Variants in UPF2 observed in about 807,000 individuals in gnomAD.
UPF2 encodes UPF2 regulator of nonsense mediated mRNA decay.
Under a neutral mutation model 141.4 loss-of-function variants are expected in UPF2, and 17 were observed. The ratio of observed to expected loss-of-function variants is 0.12; its 90% CI spans 0.08 to 0.18. UPF2 has a LOEUF of 0.18. Ranked by LOEUF, UPF2 falls within the 10% of genes least tolerant of loss-of-function variation. UPF2 has a pLI of 1.00. For missense variants in UPF2, 1,152 were observed against 1,515.9 expected (o/e 0.76, Z 3.99); for synonymous variants, 540 against 498.0 (o/e 1.08, Z -1.12).
chr10:12,036,713 C>G (rs988615957), intron 1 of UPF2, among the ~76,000 whole-genome samples: 2 of 152,160 alleles, frequency 1.3e-5, no homozygotes, highest in Non-Finnish European at 2.9e-5. Context: ...CCTAAATTAT[C>G]TAAGAGTTGT....
At chr10:12,021,483 T>C (rs570544635) in intron 3 of UPF2, among the ~76,000 whole-genome samples, 2 of 152,104 alleles carry the variant, frequency 1.3e-5, no homozygotes, top group Admixed American at 6.6e-5. Flanking sequence ...GACTGCACCA[T>C]GACACTCCAG....
At position 11,936,458 on chromosome 10, in the gene UPF2, C is replaced by T; in HGVS notation, c.3546+87G>A. 1 of 1,383,496 alleles carries T rather than the reference C, an allele frequency of 7.2e-7. No homozygotes were observed. Among genetic ancestry groups the T allele is most frequent in the South Asian group, 1.6e-5 (1 of 61,804 alleles). 85.7% of individuals were successfully genotyped at this position (1,383,496 alleles called of 1,614,324 possible). ...ACTGAATGGTTTAAAACTGTCCAAC[C>T]CTTATCCCCTTGTAGGTCAAAGATA... On this transcript the variant is annotated intron_variant, in intron 19 of 21. Coordinates refer to ENST00000357604, the MANE Select transcript of UPF2 (RefSeq NM_015542.4). This position sits in a 1 kb window ranked among gnomAD's most constrained non-coding sequence, Gnocchi z 6.6.
At chr10:11,958,833 C>T (rs1833195990) in intron 12 of UPF2, among the ~76,000 whole-genome samples, 1 of 152,106 alleles carries the variant, frequency 6.6e-6, no homozygotes, top group Middle Eastern at 3.4e-3. Flanking sequence ...ATAACGTCTA[C>T]TAAAGGTTAG....
intron 4 of UPF2, among the ~76,000 whole-genome samples, chr10:12,005,868 G>A (rs1317438391): frequency 6.6e-6 from 1 of 151,316 alleles, no homozygotes; most frequent in Non-Finnish European, 1.5e-5. Context: ...ACCACGCCCA[G>A]CGTTTATTTA....
At chr10:12,004,491 TA>T in intron 5 of UPF2, 38 bp downstream of exon 5, 2 of 1,504,054 alleles carry the variant, frequency 1.3e-6, no homozygotes, top group Non-Finnish European at 1.8e-6. Context: ...AGCTAATTCT[TA>T]TAGCACTTAA....
intron 4 of UPF2, among the ~76,000 whole-genome samples, chr10:12,005,540 C>T (rs1347788356): frequency 1.3e-5 from 2 of 152,102 alleles, no homozygotes; most frequent in Non-Finnish European, 2.9e-5. Context: ...GGCTTAATTT[C>T]CCCCTTGCTA....
Position 11,998,950 on chromosome 10 carries a change from G to A in UPF2, c.1758+956C>T, listed in dbSNP as rs2131262714. ...TGAGGCAGGAGAATCACTTGAATCT[G>A]GGAGACAAAGGTTGCAGTGAGCCAA... is the stretch of plus-strand genomic sequence containing the variant. On this transcript the variant is annotated intron_variant, in intron 7 of 21. Coordinates refer to ENST00000357604, the MANE Select transcript of UPF2 (RefSeq NM_015542.4). The surrounding 1 kb of genome is among the most constrained non-coding windows in gnomAD (Gnocchi z 4.5). Among the ~76,000 whole-genome samples, 1 of 151,858 alleles carries A rather than the reference G, an allele frequency of 6.6e-6. No individual in the cohort carries two copies. Among genetic ancestry groups the A allele is most frequent in the African/African-American group, 2.4e-5 (1 of 41,402 alleles).
chr10:11,994,607 A>G (rs941545817), intron 8 of UPF2, among the ~76,000 whole-genome samples: 1 of 152,186 alleles, frequency 6.6e-6, no homozygotes, highest in South Asian at 2.1e-4. Context: ...GCCAAGATTA[A>G]TTCATCAAAT....
At chr10:11,934,348 T>C (rs17151062) in intron 19 of UPF2, among the ~76,000 whole-genome samples, 10,957 of 151,996 alleles carry the variant, frequency 0.072, 592 homozygotes, top group East Asian at 0.25. Context: ...TCCTCACAGA[T>C]AGAGAATGGA....
intron 13 of UPF2, among the ~76,000 whole-genome samples, chr10:11,955,868 C>T (rs529965182): frequency 1.4e-4 from 22 of 152,202 alleles, no homozygotes; most frequent in South Asian, 2.1e-4. Context: ...TTAGGCCGGG[C>T]GCAGTAGCTC....
At chr10:11,991,630 A>G (rs1588556980) in intron 8 of UPF2, among the ~76,000 whole-genome samples, 4 of 149,486 alleles carry the variant, frequency 2.7e-5, no homozygotes, top group African/African-American at 7.4e-5. Flanking sequence ...TTAAGAGAGG[A>G]AAAAAAAAAG....
chr10:11,930,883 T>C (rs1036205145), intron 20 of UPF2, among the ~76,000 whole-genome samples: 2 of 152,312 alleles, frequency 1.3e-5, no homozygotes, highest in East Asian at 1.9e-4. Flanking sequence ...CCTGCACAGA[T>C]GGCGGTTTAT....
At chr10:12,034,972 G>T in intron 2 of UPF2, 87 bp downstream of exon 2, 1 of 1,495,818 alleles carries the variant, frequency 6.7e-7, no homozygotes, top group Middle Eastern at 1.8e-4. Flanking sequence ...CTGCACCCAG[G>T]ACGCTATATT....
At chr10:12,001,547 G>T in intron 6 of UPF2, 129 bp downstream of exon 6, 1 of 888,070 alleles carries the variant, frequency 1.1e-6, no homozygotes, top group Non-Finnish European at 1.6e-6. Context: ...AAACAGTGAT[G>T]GACTGAAAAC....
At chr10:11,947,351 T>C (rs144959391) in intron 16 of UPF2, among the ~76,000 whole-genome samples, 4 of 152,346 alleles carry the variant, frequency 2.6e-5, no homozygotes, top group African/African-American at 9.6e-5. Context: ...TACTATCGTA[T>C]ATGTTGAATT....
intron 3 of UPF2, among the ~76,000 whole-genome samples, chr10:12,024,255 C>A (rs903291184): frequency 6.7e-6 from 1 of 149,296 alleles, no homozygotes; most frequent in Admixed American, 6.7e-5. Flanking sequence ...CCCAGGAGTT[C>A]GAGGCCAGCC....
At chr10:12,004,812 C>A in intron 4 of UPF2, 85 bp from the exon 5 acceptor site, 1 of 1,345,176 alleles carries the variant, frequency 7.4e-7, no homozygotes, top group Non-Finnish European at 1.0e-6. Flanking sequence ...TTCAGTTTTA[C>A]ATCTATTGAA....
chr10:11,996,616 T>C (rs1833868926), intron 8 of UPF2, among the ~76,000 whole-genome samples: 2 of 152,194 alleles, frequency 1.3e-5, no homozygotes, highest in Admixed American at 1.3e-4. Flanking sequence ...GGTGCTGGGA[T>C]TACAGGCCTG....
chr10:11,961,145 G>A (rs903950932), intron 11 of UPF2, among the ~76,000 whole-genome samples: 2 of 151,678 alleles, frequency 1.3e-5, no homozygotes, highest in African/African-American at 2.4e-5. Context: ...ACTATGGCAG[G>A]TGCGGGAAAC....
Sources: allele counts gnomAD v4.1 joint callset (sites outside exome capture counted in the v4.1 genomes callset), GRCh38; gene constraint gnomAD v4.1.1; non-coding constraint Gnocchi (gnomAD v3.1); transcripts MANE v1.5; gene names NCBI Gene and HGNC (gene_info 2026-07-23, HGNC 2026-07-21).